Variants in ARID4B observed in about 807,000 individuals in gnomAD.
ARID4B encodes the protein AT-rich interactive domain-containing protein 4B.
ARID4B carries 26 observed loss-of-function variants against 147.5 expected under a neutral mutation model. That is an observed-to-expected ratio of 0.18 (90% CI 0.13 to 0.24). ARID4B has a LOEUF of 0.24. ARID4B is among the 10% of genes least tolerant of loss of function. ARID4B has a pLI of 1.00. For missense variants in ARID4B, 1,179 were observed against 1,511.5 expected (o/e 0.78, Z 3.65); for synonymous variants, 512 against 507.9 (o/e 1.01, Z -0.11).
At chr1:235,175,485 T>G in intron 21 of ARID4B, 86 bp from the exon 22 acceptor site, 1 of 1,092,884 alleles carries the variant, frequency 9.2e-7, no homozygotes, top group African/African-American at 1.6e-5. Context: ...AATTAGCCAT[T>G]TGAATTTAGT....
At chr1:235,217,457 T>C (rs61836129) in intron 16 of ARID4B, among the ~76,000 whole-genome samples, 1,652 of 129,958 alleles carry the variant, frequency 0.013, 10 homozygotes, top group Middle Eastern at 0.021. Context: ...CATACATACA[T>C]ACACACACAT....
intron 17 of ARID4B, among the ~76,000 whole-genome samples, chr1:235,208,783 C>T (rs1413614296): frequency 6.6e-6 from 1 of 152,104 alleles, no homozygotes; most frequent in African/African-American, 2.4e-5. Flanking sequence ...TCCCAAAGTG[C>T]TGGGATTACA....
chr1:235,238,153 A>AAAAAAAAAAAAAAAAGAAAAGAAAAG (rs61179792), intron 8 of ARID4B, among the ~76,000 whole-genome samples: 4 of 141,762 alleles, frequency 2.8e-5, no homozygotes, highest in South Asian at 2.1e-4. Flanking sequence ...CAAAAAAAAA[A>AAAAAAAAAAAAAAAAGAAAAGAAAAG]AAAAGAAAAG....
chr1:235,303,027 C>T (rs1219415551), intron 2 of ARID4B, among the ~76,000 whole-genome samples: 1 of 151,864 alleles, frequency 6.6e-6, no homozygotes, highest in African/African-American at 2.4e-5. Flanking sequence ...GGGTTCACGC[C>T]ATTCTCCTGC....
chr1:235,169,390 G>A (rs1449074298), intron 23 of ARID4B, among the ~76,000 whole-genome samples: 2 of 151,494 alleles, frequency 1.3e-5, no homozygotes, highest in Non-Finnish European at 2.9e-5. Flanking sequence ...ATAAGCGCCC[G>A]CCACCACGCC....
At chr1:235,290,508 G>A (rs748559751) in intron 2 of ARID4B, among the ~76,000 whole-genome samples, 3 of 151,482 alleles carry the variant, frequency 2.0e-5, no homozygotes, top group Non-Finnish European at 4.4e-5. Context: ...TACTCTTACA[G>A]ATGTATGAAA....
chr1:235,249,889 G>A (rs573489859), intron 6 of ARID4B, among the ~76,000 whole-genome samples: 152 of 150,136 alleles, frequency 1.0e-3, no homozygotes, highest in African/African-American at 3.3e-3. Context: ...GCAGTGAGCC[G>A]AGATCGTGCC....
chr1:235,305,687 G>C (rs532264106), intron 2 of ARID4B, among the ~76,000 whole-genome samples: 1 of 152,048 alleles, frequency 6.6e-6, no homozygotes, highest in Non-Finnish European at 1.5e-5. Context: ...GGCCAGGCAC[G>C]GGGACTCACG....
chr1:235,302,179 A>AAAAAAG (rs1673213147), intron 2 of ARID4B, among the ~76,000 whole-genome samples: 1 of 96,218 alleles, frequency 1.0e-5, no homozygotes, highest in Non-Finnish European at 2.1e-5. Context: ...AAAAAAAAAC[A>AAAAAAG]GCAAAAAAAA....
intron 16 of ARID4B, among the ~76,000 whole-genome samples, chr1:235,217,466 A>G (rs904275644): frequency 6.6e-6 from 1 of 152,182 alleles, no homozygotes; most frequent in Non-Finnish European, 1.5e-5. Flanking sequence ...ATACACACAC[A>G]TATGCATTTA....
intron 17 of ARID4B, among the ~76,000 whole-genome samples, chr1:235,199,926 C>T (rs569467025): frequency 2.6e-5 from 4 of 151,536 alleles, no homozygotes; most frequent in South Asian, 4.2e-4. Flanking sequence ...ATGTTCCTTC[C>T]GTATATGTAA....
intron 22 of ARID4B, among the ~76,000 whole-genome samples, chr1:235,173,764 AAAAAAAAATATAT>A (rs1337112952): frequency 3.9e-5 from 2 of 50,878 alleles, no homozygotes; most frequent in African/African-American, 2.3e-4. Flanking sequence ...AAAAAAAAAA[AAAAAAAAATATAT>A]ATATATATAT....
rs1266715758 is a variant in ARID4B, at chr1:235,260,622, GAAATCTAT to G, written c.117+12_117+19del. On this transcript the variant is annotated intron_variant, in intron 3 of 23. Transcript: ENST00000264183. The stretch of plus-strand genomic sequence containing the variant: ...ATCAAATGCTGAACATACAATTTAT[GAAATCTAT>G]AAATACTGTACCTTGACTTTGACAA... 1 of 1,505,022 alleles carries G rather than the reference GAAATCTAT, an allele frequency of 6.6e-7. No homozygotes were observed. The allele number at this position is 1,505,022 out of a possible 1,614,324, so 93.2% of individuals were successfully genotyped here. A position where few individuals can be genotyped will look rare whatever the true frequency, so the allele number is the denominator to read the frequency against.
intron 17 of ARID4B, among the ~76,000 whole-genome samples, chr1:235,199,586 G>T (rs1222860236): frequency 2.0e-5 from 3 of 152,176 alleles, no homozygotes; most frequent in African/African-American, 7.2e-5. Flanking sequence ...GACTGCCCGG[G>T]AAAAGATTCT....
rs545446120 is a variant in ARID4B, at chr1:235,323,721, T to C, written c.6+3193A>G. On this transcript the variant is annotated intron_variant, in intron 2 of 23. Coordinates refer to ENST00000264183, the MANE Select transcript of ARID4B (RefSeq NM_016374.6). ...ACTGCTTGAACCTGGGAGGCAGAGGTTGCAGTGAGCCGAGATCGCACCACT... is the reference window on the plus strand; with the variant it reads ...ACTGCTTGAACCTGGGAGGCAGAGGCTGCAGTGAGCCGAGATCGCACCACT... Among the ~76,000 whole-genome samples the C allele has an allele frequency of 2.1e-4, 31 of 150,412 alleles. 1 individual carries two copies. The highest frequency in any genetic ancestry group is 1.9e-3 in the Admixed American group (29 of 15,114).
At chr1:235,171,529 C>T (rs980142983) in intron 23 of ARID4B, among the ~76,000 whole-genome samples, 3 of 152,046 alleles carry the variant, frequency 2.0e-5, no homozygotes, top group African/African-American at 4.8e-5. Context: ...ATTTAGGAAC[C>T]GACTTTTAAT....
chr1:235,246,426 T>G lies in ARID4B; in HGVS notation c.440A>C (p.Asn147Thr). 1 of 1,602,904 alleles carries G rather than the reference T, an allele frequency of 6.2e-7. No homozygotes were observed. Among genetic ancestry groups the G allele is most frequent in the Non-Finnish European group, 8.5e-7 (1 of 1,169,760 alleles). ...GKKTNRGRRS[N>T]HIPEEESSSS... ...GTCATGAAAATGGACTTACATATGATTAGATCTTCTTCCTCTATTTGTTTT... is the reference window on the plus strand; with the variant it reads ...GTCATGAAAATGGACTTACATATGAGTAGATCTTCTTCCTCTATTTGTTTT... Residue 147 changes from asparagine to threonine, a missense_variant, in exon 7 of 24, where the codon AAT becomes ACT. Physicochemically the swap from Asn to Thr is moderately conservative, Grantham distance 65. This residue lies in a region of ARID4B where 159 missense variants were observed against 190.5 expected (regional missense o/e 0.83). Transcript: ENST00000264183.
chr1:235,184,481 C>G (rs184818464), intron 19 of ARID4B, among the ~76,000 whole-genome samples: 2 of 152,228 alleles, frequency 1.3e-5, no homozygotes, highest in African/African-American at 4.8e-5. Context: ...TAATCTACCC[C>G]CCAAGGTAGT....
intron 19 of ARID4B, among the ~76,000 whole-genome samples, chr1:235,184,612 T>C (rs1018940525): frequency 3.3e-5 from 5 of 152,214 alleles, no homozygotes; most frequent in Admixed American, 2.0e-4. Flanking sequence ...TAACTAAGAT[T>C]GTGAAACCAT....
Sources: gnomAD v4.1 joint callset for allele counts (sites outside exome capture counted in the v4.1 genomes callset) on GRCh38, gnomAD v4.1.1 for gene constraint, gnomAD v4.1.1 regional missense constraint, MANE v1.5 for transcripts, NCBI Gene and HGNC (gene_info 2026-07-23, HGNC 2026-07-21) for gene names.